The following CNTN1 variants were observed in gnomAD, a reference collection of about 807,000 sequenced individuals.
CNTN1 encodes contactin-1.
Under a neutral mutation model 126.4 loss-of-function variants are expected in CNTN1, and 38 were observed. The ratio of observed to expected loss-of-function variants is 0.30; its 90% CI spans 0.23 to 0.39. The LOEUF is 0.39. Among genes scored for constraint, CNTN1 ranks in the 10% least tolerant of loss-of-function variants. CNTN1 has a pLI of 1.00. For synonymous variants in CNTN1, 413 were observed against 422.6 expected (o/e 0.98, Z 0.28); for missense variants, 1,009 against 1,248.4 (o/e 0.81, Z 2.89).
At chr12:41,044,642 G>A (rs568725182) in intron 23 of CNTN1, among the ~76,000 whole-genome samples, 6 of 152,190 alleles carry the variant, frequency 3.9e-5, no homozygotes, top group Non-Finnish European at 7.4e-5. Flanking sequence ...GTAGAATCTG[G>A]AAAGAATATT....
At chr12:40,839,187 G>T (rs556383673) in intron 1 of CNTN1, among the ~76,000 whole-genome samples, 5 of 152,218 alleles carry the variant, frequency 3.3e-5, no homozygotes, top group Non-Finnish European at 7.4e-5. Flanking sequence ...AATAATCTCA[G>T]AATTTGAAGA....
intron 17 of CNTN1, among the ~76,000 whole-genome samples, chr12:40,995,559 T>C (rs1459561229): frequency 1.3e-5 from 2 of 152,196 alleles, no homozygotes; most frequent in East Asian, 3.8e-4. Context: ...TGTCATCACC[T>C]TCTTTAGGCA....
At position 40,993,229 on chromosome 12, in the gene CNTN1, G is replaced by C. The variant is rs762037568; in HGVS notation, c.2073G>C (p.Glu691Asp). ...VVATNTLGRG[E>D]PSIPSNRIKT... Reference sequence around the variant, plus strand: ...CAACCAATACACTGGGTAGAGGAGAGCCCAGTATACCATCTAACAGAATTA... The same window carrying C: ...CAACCAATACACTGGGTAGAGGAGACCCCAGTATACCATCTAACAGAATTA... Residue 691 changes from glutamate to aspartate, a missense_variant, in exon 17 of 24, where the codon GAG becomes GAC. Coordinates refer to ENST00000551295, the MANE Select transcript of CNTN1 (RefSeq NM_001843.4). 4 of 1,613,644 alleles carry C rather than the reference G, an allele frequency of 2.5e-6. No individual in the cohort carries two copies. In the African/African-American group the frequency reaches 5.3e-5, roughly 22 times the overall value.
chr12:40,904,172 C>A (rs1462365767), intron 1 of CNTN1, among the ~76,000 whole-genome samples: 1 of 152,012 alleles, frequency 6.6e-6, no homozygotes, highest in South Asian at 2.1e-4. Context: ...GCGCCTGCCA[C>A]CACGCACAGC....
chr12:40,934,898 T>C (rs1020464287), intron 9 of CNTN1, among the ~76,000 whole-genome samples: 1 of 152,062 alleles, frequency 6.6e-6, no homozygotes, highest in East Asian at 1.9e-4. Context: ...GTTGCCACAG[T>C]TGGTCCCTCC....
chr12:40,756,109 G>A (rs924060996), intron 1 of CNTN1, among the ~76,000 whole-genome samples: 3 of 152,112 alleles, frequency 2.0e-5, no homozygotes, highest in Non-Finnish European at 2.9e-5. Context: ...ATACAGTGAA[G>A]CAGGAGAGGA....
intron 14 of CNTN1, among the ~76,000 whole-genome samples, chr12:40,948,711 C>T (rs999011857): frequency 6.6e-6 from 1 of 152,174 alleles, no homozygotes; most frequent in Non-Finnish European, 1.5e-5. Context: ...AAATAATTCT[C>T]CCATAAGTAT....
intron 15 of CNTN1, among the ~76,000 whole-genome samples, chr12:40,977,253 C>T (rs936264069): frequency 4.6e-5 from 7 of 152,076 alleles, no homozygotes; most frequent in Admixed American, 4.6e-4. Flanking sequence ...TATTACCATA[C>T]AGACTTGTGG....
At chr12:40,748,883 G>A (rs1255342150) in intron 1 of CNTN1, among the ~76,000 whole-genome samples, 1 of 152,066 alleles carries the variant, frequency 6.6e-6, no homozygotes, top group Non-Finnish European at 1.5e-5. Flanking sequence ...ATAAGCAGTA[G>A]TCTAAAAATT....
chr12:40,765,130 G>A (rs1205840825), intron 1 of CNTN1, among the ~76,000 whole-genome samples: 1 of 151,652 alleles, frequency 6.6e-6, no homozygotes, highest in Non-Finnish European at 1.5e-5. Flanking sequence ...TGAGGATATT[G>A]TTGACAAGAT....
chr12:41,030,407 A>T (rs940142815), intron 23 of CNTN1, among the ~76,000 whole-genome samples: 3 of 152,014 alleles, frequency 2.0e-5, no homozygotes, highest in Non-Finnish European at 1.5e-5. Context: ...TTTTAGTTTA[A>T]TCATCAGCAA....
intron 14 of CNTN1, among the ~76,000 whole-genome samples, chr12:40,956,572 A>G (rs1300698750): frequency 6.6e-6 from 1 of 152,026 alleles, no homozygotes; most frequent in African/African-American, 2.4e-5. Context: ...AGAAGACAAG[A>G]CAATGTGATG....
At chr12:40,785,487 G>A (rs192760985) in intron 1 of CNTN1, among the ~76,000 whole-genome samples, 12 of 152,226 alleles carry the variant, frequency 7.9e-5, no homozygotes, top group South Asian at 2.1e-4. Context: ...GGGTGCGGGC[G>A]GGCTGAGTCC....
chr12:40,940,946 C>T, intron 12 of CNTN1, among the ~76,000 whole-genome samples: 1 of 152,154 alleles, frequency 6.6e-6, no homozygotes, highest in Non-Finnish European at 1.5e-5. Flanking sequence ...CAGCCTAGAG[C>T]AGGGCATTCC....
chr12:40,790,353 C>A (rs537038861), intron 1 of CNTN1, among the ~76,000 whole-genome samples: 13 of 152,154 alleles, frequency 8.5e-5, no homozygotes, highest in South Asian at 8.3e-4. Context: ...CCAACTTGAC[C>A]CAGTGAGCTG....
At chr12:40,866,609 A>G (rs1186390243) in intron 1 of CNTN1, among the ~76,000 whole-genome samples, 1 of 152,112 alleles carries the variant, frequency 6.6e-6, no homozygotes, top group African/African-American at 2.4e-5. Context: ...GATGTATTGC[A>G]TCAATTGATT....
At chr12:40,739,857 T>C (rs1937861822) in intron 1 of CNTN1, among the ~76,000 whole-genome samples, 1 of 151,956 alleles carries the variant, frequency 6.6e-6, no homozygotes, top group Non-Finnish European at 1.5e-5. Flanking sequence ...CATTAGTAAA[T>C]GTCCAAGATC....
intron 19 of CNTN1, among the ~76,000 whole-genome samples, chr12:41,017,358 G>C (rs1374748137): frequency 6.9e-6 from 1 of 143,938 alleles, no homozygotes; most frequent in Non-Finnish European, 1.5e-5. Flanking sequence ...GATCTGTCTG[G>C]AGGACAGAGC....
At chr12:40,995,519 C>A (rs560985297) in intron 17 of CNTN1, among the ~76,000 whole-genome samples, 93 of 152,244 alleles carry the variant, frequency 6.1e-4, no homozygotes, top group Non-Finnish European at 1.2e-3. Context: ...GCTCTAAAGG[C>A]ACAGTTGTTA....
Sources: allele counts gnomAD v4.1 joint callset (sites outside exome capture counted in the v4.1 genomes callset), GRCh38; gene constraint gnomAD v4.1.1; transcripts MANE v1.5; gene names NCBI Gene and HGNC (gene_info 2026-07-23, HGNC 2026-07-21).